CD200R1L: variants seen among roughly 807,000 people sequenced by gnomAD.
The protein encoded by CD200R1L is CD200 receptor 1 like.
CD200R1L carries 14 observed loss-of-function variants against 24.8 expected under a neutral mutation model. The observed-to-expected ratio is 0.56, with a 90% CI of 0.37 to 0.88. CD200R1L has a LOEUF of 0.88. CD200R1L is among the 40% of genes least tolerant of loss of function. The pLI, the probability that CD200R1L is intolerant of heterozygous loss-of-function variation, is 0.00. For synonymous variants in CD200R1L, 111 were observed against 109.2 expected (o/e 1.02, Z -0.11); for missense variants, 299 against 297.8 (o/e 1.00, Z -0.03).
chr3:112,842,225 C>T (rs1939099043), intron 2 of CD200R1L, among the ~76,000 whole-genome samples: 1 of 152,210 alleles, frequency 6.6e-6, no homozygotes, highest in Non-Finnish European at 1.5e-5. Context: ...CTACAGGCAC[C>T]ACAGCAGTGT....
At chr3:112,837,326 T>G (rs1437826260) in intron 3 of CD200R1L, among the ~76,000 whole-genome samples, 1 of 152,224 alleles carries the variant, frequency 6.6e-6, no homozygotes, top group African/African-American at 2.4e-5. Flanking sequence ...AAATTCTAGC[T>G]TTCCACTTCT....
At position 112,830,867 on chromosome 3, in the gene CD200R1L, T is replaced by C. The variant is rs540048357; in HGVS notation, c.-17-1483A>G. Among the ~76,000 whole-genome samples, 53 of 141,544 alleles carry C rather than the reference T, an allele frequency of 3.7e-4. 2 individuals carry two copies. In the South Asian group the frequency reaches 0.012, roughly 31 times the overall value. The allele number at this position is 141,544 out of a possible 152,430, so 92.9% of individuals were successfully genotyped here. ...CATTTCTTTCACTCTTTTAGAGGAGTTAGGTTAAAAAGGAAAAAAAAAAAA... is the reference window on the plus strand; with the variant it reads ...CATTTCTTTCACTCTTTTAGAGGAGCTAGGTTAAAAAGGAAAAAAAAAAAA... On this transcript the variant is annotated intron_variant, in intron 3 of 7. Transcript: ENST00000488794.
intron 7 of CD200R1L, among the ~76,000 whole-genome samples, chr3:112,816,998 C>T (rs1938411433): frequency 6.6e-6 from 1 of 152,084 alleles, no homozygotes; most frequent in Non-Finnish European, 1.5e-5. Context: ...TCAATTAAAC[C>T]TTTTCCTTTA....
At chr3:112,825,033 C>G (rs1341635005) in intron 6 of CD200R1L, among the ~76,000 whole-genome samples, 3 of 151,988 alleles carry the variant, frequency 2.0e-5, no homozygotes, top group Admixed American at 6.6e-5. Context: ...ATTAGGAGAT[C>G]GAGACCATCC....
intron 7 of CD200R1L, among the ~76,000 whole-genome samples, chr3:112,816,802 T>C (rs1382931717): frequency 6.6e-6 from 1 of 152,184 alleles, no homozygotes; most frequent in Non-Finnish European, 1.5e-5. Flanking sequence ...AATTGAATCA[T>C]GGGAGCAGGT....
At position 112,819,854 on chromosome 3, in the gene CD200R1L, T is replaced by C; in HGVS notation, c.658A>G (p.Ile220Val). 1 of 1,611,106 alleles carries C rather than the reference T, an allele frequency of 6.2e-7. No individual in the cohort carries two copies. The highest frequency in any genetic ancestry group is 8.5e-7 in the Non-Finnish European group (1 of 1,178,988). Residue 220 changes from isoleucine (I) to valine (V), a missense_variant, in exon 7 of 8, where the codon ATT becomes GTT. Coordinates refer to ENST00000488794, the MANE Select transcript of CD200R1L (RefSeq NM_001199215.3). The stretch of plus-strand genomic sequence containing the variant: ...AAAAGAGAGAGTTTCACATAAAGAA[T>C]GATCAGTAAGGACAACGCTGGAGAT... ...SGSPALSLLIILYVKLSLFVV... is the reference protein window; with the variant it reads ...SGSPALSLLIVLYVKLSLFVV...
chr3:112,836,629 A>G lies in CD200R1L; in HGVS notation c.-18+1313T>C, dbSNP rs534399425. Among the ~76,000 whole-genome samples, 7 of 152,352 alleles carry G rather than the reference A, an allele frequency of 4.6e-5. No individual in the cohort carries two copies. In the South Asian group the frequency reaches 1.4e-3, roughly 32 times the overall value. On this transcript the variant is annotated intron_variant, in intron 3 of 7. Coordinates refer to ENST00000488794, the MANE Select transcript of CD200R1L (RefSeq NM_001199215.3). Reference sequence around the variant, plus strand: ...GTAAGTCAACAGTGACGAATTTGCCAAACACCTTTTTGACATATACTGAAC... The same window carrying G: ...GTAAGTCAACAGTGACGAATTTGCCGAACACCTTTTTGACATATACTGAAC...
Position 112,845,816 on chromosome 3 carries a change from G to C in CD200R1L, c.-224C>G, listed in dbSNP as rs4682438. 133,554 of 1,037,464 alleles carry C rather than the reference G, an allele frequency of 0.13. 9,655 individuals are homozygous for C. Among genetic ancestry groups the C allele is most frequent in the African/African-American group, 0.2 (12,804 of 62,740 alleles). The allele number at this position is 1,037,464 out of a possible 1,614,324, so 64.3% of individuals were successfully genotyped here. ...AGACTTGGTGAATCTGTTTCTCTTG[G>C]TCACTTTTGCTTATTCTGTCTTCAA... On this transcript the variant is annotated 5_prime_UTR_variant, in exon 2 of 8. Coordinates refer to ENST00000488794, the MANE Select transcript of CD200R1L (RefSeq NM_001199215.3).
intron 7 of CD200R1L, among the ~76,000 whole-genome samples, chr3:112,816,710 T>C (rs919052210): frequency 1.3e-5 from 2 of 152,298 alleles, no homozygotes; most frequent in Non-Finnish European, 2.9e-5. Flanking sequence ...AATTCCATAT[T>C]GTAGCTCCCA....
chr3:112,826,364 C>T (rs1323936438), intron 6 of CD200R1L, among the ~76,000 whole-genome samples: 1 of 151,832 alleles, frequency 6.6e-6, no homozygotes, highest in Non-Finnish European at 1.5e-5. Flanking sequence ...TAGGTAGATC[C>T]TATTATCCTC....
chr3:112,836,784 C>A (rs1011393845), intron 3 of CD200R1L, among the ~76,000 whole-genome samples: 1 of 152,152 alleles, frequency 6.6e-6, no homozygotes, highest in Non-Finnish European at 1.5e-5. Context: ...TAGTGCACTA[C>A]TGATTTGATA....
chr3:112,826,871 TGA>T, intron 6 of CD200R1L, 120 bp downstream of exon 6: 1 of 1,131,160 alleles, frequency 8.8e-7, no homozygotes, highest in Non-Finnish European at 1.2e-6. Context: ...TTTCTCAGTT[TGA>T]GAGAATATTT....
chr3:112,845,568 C>A, intron 2 of CD200R1L, 111 bp downstream of exon 2: 1 of 871,460 alleles, frequency 1.1e-6, no homozygotes, highest in Non-Finnish European at 1.9e-6. Flanking sequence ...TTTATCACTG[C>A]TGCTAGGACA....
chr3:112,827,023 T>G lies in CD200R1L; in HGVS notation c.586A>C (p.Asn196His). 6.2e-7 allele frequency: 1 copy of G among 1,612,046 alleles called. No individual in the cohort carries two copies. Among genetic ancestry groups the G allele is most frequent in the Non-Finnish European group, 8.5e-7 (1 of 1,179,686 alleles). The change falls in exon 6 of 8, where the codon AAC (asparagine) becomes CAC (histidine). Residue 196 changes from asparagine to histidine, a missense_variant. Asn to His is a moderately conservative substitution (Grantham distance 68). Transcript: ENST00000488794. ...TTCAACTTTACGGACAGACTCTTGT[T>G]GCCAGTCAAATGGGAGACATGGCAG... ...VTCHVSHLTGNKSLSVKLNSG... is the reference protein window; with the variant it reads ...VTCHVSHLTGHKSLSVKLNSG...
intron 7 of CD200R1L, 119 bp from the exon 8 acceptor site, chr3:112,816,094 T>C (rs764457810): frequency 3.1e-6 from 2 of 653,722 alleles, no homozygotes; most frequent in Non-Finnish European, 5.6e-6. Context: ...CAATAATAAA[T>C]TAAATTGGAG....
At position 112,829,089 on chromosome 3, in the gene CD200R1L, C is replaced by T. The variant is rs572101656; in HGVS notation, c.49+230G>A. ...CAGACCTGAAAGGTCATTAAATCCACGCTCCTTCCAGCACTCCACCTTAGC... is the reference window on the plus strand; with the variant it reads ...CAGACCTGAAAGGTCATTAAATCCATGCTCCTTCCAGCACTCCACCTTAGC... On this transcript the variant is annotated intron_variant, in intron 4 of 7. Coordinates refer to ENST00000488794, the MANE Select transcript of CD200R1L (RefSeq NM_001199215.3). Among the ~76,000 whole-genome samples, 12 of 152,302 alleles carry T rather than the reference C, an allele frequency of 7.9e-5. No homozygotes were observed. In the South Asian group the frequency reaches 2.3e-3, roughly 29 times the overall value.
At chr3:112,828,560 T>G (rs992264089) in intron 4 of CD200R1L, among the ~76,000 whole-genome samples, 1 of 152,238 alleles carries the variant, frequency 6.6e-6, no homozygotes, top group Non-Finnish European at 1.5e-5. Flanking sequence ...GATATTTTCC[T>G]TCCTTCCTGT....
At chr3:112,826,916 GT>G in intron 6 of CD200R1L, 76 bp downstream of exon 6, 1 of 1,492,192 alleles carries the variant, frequency 6.7e-7, no homozygotes, top group Non-Finnish European at 8.9e-7. Flanking sequence ...CTTACCTGCT[GT>G]TTGGTTATTC....
chr3:112,826,607 G>T (rs1237295039), intron 6 of CD200R1L, among the ~76,000 whole-genome samples: 1 of 152,120 alleles, frequency 6.6e-6, no homozygotes, highest in East Asian at 1.9e-4. Flanking sequence ...ATTGCTTTTG[G>T]ATGATGAGAC....
Sources: gnomAD v4.1 joint callset for allele counts (sites outside exome capture counted in the v4.1 genomes callset) on GRCh38, gnomAD v4.1.1 for gene constraint, MANE v1.5 for transcripts, NCBI Gene and HGNC (gene_info 2026-07-23, HGNC 2026-07-21) for gene names.